TMEM178B: variants seen among roughly 807,000 people sequenced by gnomAD.
TMEM178B encodes the protein transmembrane protein 178B.
TMEM178B carries 5 observed loss-of-function variants against 31.0 expected under a neutral mutation model. The ratio of observed to expected loss-of-function variants is 0.16; its 90% CI spans 0.08 to 0.34. The LOEUF (loss-of-function observed/expected upper bound fraction) is 0.34, where lower values mean the gene tolerates loss of function less well. Among genes scored for constraint, TMEM178B ranks in the 10% least tolerant of loss-of-function variants. The pLI is 1.00. For synonymous variants in TMEM178B, 164 were observed against 164.0 expected (o/e 1.00, Z 0.00); for missense variants, 275 against 400.3 (o/e 0.69, Z 2.67).
chr7:141,252,574 G>C (rs548585047), intron 2 of TMEM178B, among the ~76,000 whole-genome samples: 3 of 152,186 alleles, frequency 2.0e-5, no homozygotes, highest in Admixed American at 1.3e-4. Context: ...TCTGAATTTT[G>C]GAGTTAGTAA....
intron 2 of TMEM178B, among the ~76,000 whole-genome samples, chr7:141,363,336 A>G (rs1799949385): frequency 6.6e-6 from 1 of 152,208 alleles, no homozygotes; most frequent in East Asian, 1.9e-4. Context: ...CCCTGAGTCT[A>G]TTGCACATAT....
intron 2 of TMEM178B, among the ~76,000 whole-genome samples, chr7:141,392,652 GTTTCTTTT>G (rs2116606667): frequency 6.6e-6 from 1 of 152,168 alleles, no homozygotes; most frequent in South Asian, 2.1e-4. Flanking sequence ...TTATGGTTGG[GTTTCTTTT>G]TCCAAACCGG....
At chr7:141,466,148 A>T (rs1471601276) in intron 3 of TMEM178B, among the ~76,000 whole-genome samples, 1 of 152,214 alleles carries the variant, frequency 6.6e-6, no homozygotes, top group Non-Finnish European at 1.5e-5. Context: ...AGCAAGTTGT[A>T]TCACTGGTCT....
chr7:141,270,567 G>A (rs976237569), intron 2 of TMEM178B, among the ~76,000 whole-genome samples: 1 of 152,160 alleles, frequency 6.6e-6, no homozygotes, highest in Non-Finnish European at 1.5e-5. Flanking sequence ...TACCTTGAAT[G>A]ATTGTTTTGT....
the TMEM178B span, among the ~76,000 whole-genome samples, chr7:141,508,542 T>C: frequency 6.6e-6 from 1 of 152,192 alleles, no homozygotes; most frequent in Non-Finnish European, 1.5e-5. Context: ...TTTACTGTAT[T>C]AGTCCGTTTT....
At chr7:141,245,208 A>G (rs1193956499) in intron 2 of TMEM178B, among the ~76,000 whole-genome samples, 3 of 131,370 alleles carry the variant, frequency 2.3e-5, no homozygotes, top group East Asian at 2.0e-4. Context: ...AAAAAAAAAA[A>G]AAGAAGGATG....
At chr7:141,338,488 CT>C (rs1192447713) in intron 2 of TMEM178B, among the ~76,000 whole-genome samples, 2 of 152,126 alleles carry the variant, frequency 1.3e-5, no homozygotes, top group African/African-American at 4.8e-5. Context: ...GCCTGGAACC[CT>C]AGAGTGCCTG....
the TMEM178B span, among the ~76,000 whole-genome samples, chr7:141,490,437 C>T: frequency 1.3e-5 from 2 of 152,168 alleles, no homozygotes; most frequent in Non-Finnish European, 2.9e-5. Context: ...GGCCAGGTGA[C>T]ACATCTATAA....
Position 141,074,277 on chromosome 7 carries a change from G to A in TMEM178B, c.-34G>A. 6.8e-7 allele frequency: 1 copy of A among 1,477,642 alleles called. No homozygotes were observed. Among genetic ancestry groups the A allele is most frequent in the South Asian group, 1.3e-5 (1 of 75,938 alleles). The allele number at this position is 1,477,642 out of a possible 1,614,324, so 91.5% of individuals were successfully genotyped here. A position where few individuals can be genotyped will look rare whatever the true frequency, so the allele number is the denominator to read the frequency against. The stretch of plus-strand genomic sequence containing the variant: ...GGCGAGGGAAGGCGAGGCTGCGGCG[G>A]ATCATGCCCATGGTGTAGCCGCCAA... On this transcript the variant is annotated 5_prime_UTR_variant, in exon 1 of 4. Transcript: ENST00000565468. The surrounding 1 kb of genome is among the most constrained non-coding windows in gnomAD (Gnocchi z 5.1).
At chr7:141,323,851 T>TC (rs1157700272) in intron 2 of TMEM178B, among the ~76,000 whole-genome samples, 1 of 152,014 alleles carries the variant, frequency 6.6e-6, no homozygotes, top group Non-Finnish European at 1.5e-5. Context: ...TGGAAAGGGA[T>TC]ATGAAGTATT....
chr7:141,330,218 A>T (rs1799274648), intron 2 of TMEM178B, among the ~76,000 whole-genome samples: 1 of 152,172 alleles, frequency 6.6e-6, no homozygotes, highest in South Asian at 2.1e-4. Context: ...TCAACCCATC[A>T]CCTAGGTATT....
intron 1 of TMEM178B, among the ~76,000 whole-genome samples, chr7:141,136,055 G>A (rs186397625): frequency 1.4e-3 from 211 of 152,016 alleles, no homozygotes; most frequent in African/African-American, 4.7e-3. Flanking sequence ...ACCACAAAAG[G>A]CCCCAAATAG....
At chr7:141,463,609 C>T (rs1043270134) in intron 3 of TMEM178B, among the ~76,000 whole-genome samples, 1 of 152,194 alleles carries the variant, frequency 6.6e-6, no homozygotes, top group Non-Finnish European at 1.5e-5. Context: ...TTGAAAACCA[C>T]TGGGGGAGAT....
chr7:141,437,889 T>G, intron 3 of TMEM178B, 144 bp downstream of exon 3: 1 of 1,232,218 alleles, frequency 8.1e-7, no homozygotes, highest in South Asian at 1.5e-5. Flanking sequence ...CACAAGCACT[T>G]CTTGAGTTGC....
At chr7:141,399,787 A>G (rs574203489) in intron 2 of TMEM178B, among the ~76,000 whole-genome samples, 1 of 152,296 alleles carries the variant, frequency 6.6e-6, no homozygotes, top group South Asian at 2.1e-4. Context: ...CTACATCTCT[A>G]TGAATCCTTT....
intron 2 of TMEM178B, among the ~76,000 whole-genome samples, chr7:141,285,626 T>C (rs1309733261): frequency 6.6e-6 from 1 of 152,170 alleles, no homozygotes; most frequent in Non-Finnish European, 1.5e-5. Context: ...ATCATTCTAC[T>C]GTAAAGACAC....
intron 2 of TMEM178B, among the ~76,000 whole-genome samples, chr7:141,428,865 C>G (rs1192907678): frequency 1.3e-5 from 2 of 152,188 alleles, no homozygotes; most frequent in Non-Finnish European, 2.9e-5. Context: ...TCTTCCTCAG[C>G]CTTAAACCTA....
At chr7:141,341,681 T>G (rs919217632) in intron 2 of TMEM178B, among the ~76,000 whole-genome samples, 2 of 152,162 alleles carry the variant, frequency 1.3e-5, no homozygotes, top group African/African-American at 4.8e-5. Flanking sequence ...GTCTAGCAAT[T>G]TAGTGATTAA....
At chr7:141,167,509 G>T (rs1355202811) in intron 1 of TMEM178B, among the ~76,000 whole-genome samples, 2 of 152,246 alleles carry the variant, frequency 1.3e-5, no homozygotes, top group African/African-American at 4.8e-5. Flanking sequence ...CTCTGAAGTG[G>T]ATTTGTGCCT....
Sources: gnomAD v4.1 joint callset for allele counts (sites outside exome capture counted in the v4.1 genomes callset) on GRCh38, gnomAD v4.1.1 for gene constraint, Gnocchi (gnomAD v3.1) non-coding constraint, MANE v1.5 for transcripts, NCBI Gene and HGNC (gene_info 2026-07-23, HGNC 2026-07-21) for gene names.